NEB: variants seen among roughly 807,000 people sequenced by gnomAD.
NEB encodes nemaline myopathy type 2.
Under a neutral mutation model 952.2 loss-of-function variants are expected in NEB, and 512 were observed. The ratio of observed to expected loss-of-function variants is 0.54; its 90% CI spans 0.50 to 0.58. The LOEUF (loss-of-function observed/expected upper bound fraction) is 0.58, where lower values mean the gene tolerates loss of function less well. NEB is among the 20% of genes least tolerant of loss of function. The pLI is 0.00. For synonymous variants in NEB, 2,900 were observed against 3,149.8 expected (o/e 0.92, Z 2.66); for missense variants, 8,428 against 9,231.1 (o/e 0.91, Z 3.56).
intron 123 of NEB, 131 bp downstream of exon 123, chr2:151,560,873 T>G (rs1282503770): frequency 1.3e-6 from 1 of 764,082 alleles, no homozygotes; most frequent in Non-Finnish European, 2.1e-6. Flanking sequence ...TGAGGTAAAG[T>G]AAGATTGAAG....
At chr2:151,496,393 A>T in intron 172 of NEB, 25 bp from the exon 173 acceptor site, 1 of 1,586,438 alleles carries the variant, frequency 6.3e-7, no homozygotes, top group Non-Finnish European at 8.6e-7. Flanking sequence ...AGCATCCAGA[A>T]AAACAACCAT....
chr2:151,522,300 G>C (rs2082464119), intron 153 of NEB, among the ~76,000 whole-genome samples: 1 of 152,104 alleles, frequency 6.6e-6, no homozygotes, highest in Non-Finnish European at 1.5e-5. Flanking sequence ...TTATACTGTT[G>C]ATTCATAGAA....
At chr2:151,729,865 G>A (rs1458136206) in intron 3 of NEB, among the ~76,000 whole-genome samples, 2 of 152,160 alleles carry the variant, frequency 1.3e-5, no homozygotes, top group African/African-American at 4.8e-5. Context: ...CCATCCAAAT[G>A]GACAAAGAGA....
In NEB at chr2:151,547,636, C is replaced by T. The variant is rs776334631; in HGVS notation, c.20260G>A (p.Glu6754Lys). The change falls in exon 132 of 182, where the codon GAG becomes AAG. Residue 6754 changes from glutamate (E) to lysine (K), a missense_variant and splice_region_variant. This residue lies in a region of NEB where 3,374 missense variants were observed against 3,651.5 expected (regional missense o/e 0.92). Coordinates refer to ENST00000397345, the MANE Select transcript of NEB (RefSeq NM_001164508.2). ...QVKKTQEAVSELIYKSDFFKM... is the reference protein window; with the variant it reads ...QVKKTQEAVSKLIYKSDFFKM... ...GTCTTTCCTAAGAAAATACCCACCT[C>T]ACTGACAGCCTCTTGTGTCTTCTTG... 21 of 1,613,440 alleles carry T rather than the reference C, an allele frequency of 1.3e-5. No homozygotes were observed. The Middle Eastern group carries it at 6.6e-4, about 51-fold the overall frequency.
At position 151,682,413 on chromosome 2, in the gene NEB, C is replaced by T. The variant is rs575502115; in HGVS notation, c.2943+249G>A. Among the ~76,000 whole-genome samples the T allele has an allele frequency of 1.6e-4, 24 of 152,190 alleles. 1 individual carries two copies. In the South Asian group the frequency reaches 2.5e-3, roughly 16 times the overall value. On this transcript the variant is annotated intron_variant, in intron 29 of 181. Coordinates refer to ENST00000397345, the MANE Select transcript of NEB (RefSeq NM_001164508.2). ...ATGGCTAACATAAATGAATGGTTAACGTAAATGGTTAACAAGTTATACCTT... is the reference window on the plus strand; with the variant it reads ...ATGGCTAACATAAATGAATGGTTAATGTAAATGGTTAACAAGTTATACCTT...
chr2:151,680,818 C>T lies in NEB; in HGVS notation c.2954G>A (p.Arg985His), dbSNP rs769987120. ...AAACTTGAGGGTGTCTGGATGTTGG[C>T]GATATTTTTTCTGTTTGGCAAATCA... ...ASDILNEKKY[R>H]QHPDTLKFTS... is the part of the protein sequence containing the mutation. Residue 985 changes from arginine to histidine, a missense_variant, in exon 30 of 182, where the codon CGC (arginine) becomes CAC (histidine). Transcript: ENST00000397345. 9.9e-6 allele frequency: 16 copies of T among 1,611,514 alleles called. No homozygotes were observed. Among genetic ancestry groups the T allele is most frequent in the Admixed American group, 8.3e-5 (5 of 59,976 alleles).
intron 167 of NEB, 109 bp from the exon 168 acceptor site, chr2:151,501,592 T>TGAA (rs1278178787): frequency 3.8e-6 from 2 of 529,662 alleles, no homozygotes; most frequent in African/African-American, 1.9e-5. Flanking sequence ...GTTTTTATGA[T>TGAA]GAAGTACCTC....
intron 54 of NEB, among the ~76,000 whole-genome samples, chr2:151,649,597 A>C (rs977460579): frequency 1.4e-4 from 21 of 152,208 alleles, no homozygotes; most frequent in African/African-American, 5.1e-4. Context: ...CCTTCTTTGC[A>C]TATAATTACT....
Position 151,562,594 on chromosome 2 carries a change from C to A in NEB, c.18891+17G>T, listed in dbSNP as rs376129412. ...TGGAAGCTGTAGCTGAGTCAAGCTG[C>A]AGAAGGGACATCATACATCACTCAA... On this transcript the variant is annotated intron_variant, in intron 120 of 181. Coordinates refer to ENST00000397345, the MANE Select transcript of NEB (RefSeq NM_001164508.2). 2 of 1,545,922 alleles carry A rather than the reference C, an allele frequency of 1.3e-6. No homozygotes were observed. Among genetic ancestry groups the A allele is most frequent in the Non-Finnish European group, 1.8e-6 (2 of 1,139,152 alleles).
intron 60 of NEB, among the ~76,000 whole-genome samples, chr2:151,641,688 T>C (rs887391074): frequency 6.6e-6 from 1 of 152,224 alleles, no homozygotes; most frequent in African/African-American, 2.4e-5. Context: ...TTAACCCTTC[T>C]GTGATTGTCA....
rs780714195 is a variant in NEB, at chr2:151,568,678, C to T, written c.17574G>A (p.Thr5858=). The stretch of plus-strand genomic sequence containing the variant: ...CATAATCAACTCTGTCATCCACAGG[C>T]GTAAAGTTGAGAGTTTCTATTTTTG... ...YRTKIETLNF[T]PVDDRVDYVT... The change falls in exon 111 of 182, where the codon ACG becomes ACA. Residue 5858 remains threonine, a synonymous_variant. Coordinates refer to ENST00000397345, the MANE Select transcript of NEB (RefSeq NM_001164508.2). 35 of 1,607,734 alleles carry T rather than the reference C, an allele frequency of 2.2e-5. No individual in the cohort carries two copies. Among genetic ancestry groups the T allele is most frequent in the Non-Finnish European group, 2.3e-5 (27 of 1,177,150 alleles).
In NEB at chr2:151,545,917, C is replaced by G; in HGVS notation, c.20548G>C (p.Val6850Leu). The change falls in exon 135 of 182, where the codon GTG becomes CTG. Residue 6850 changes from valine (V) to leucine (L), a missense_variant. Around this residue, in one of 11 missense-constraint regions of NEB, gnomAD observed 3,374 missense variants for 3,651.5 expected, o/e 0.92. Transcript: ENST00000397345. ...VVLDTPEYRK[V>L]QELKTHLSEL... ...CTCAGATGTGTCTTCAGTTCTTGCA[C>G]TTTTCTGTATTCTGGAGTGTCAAGC... 1 of 1,608,030 alleles carries G rather than the reference C, an allele frequency of 6.2e-7. No individual in the cohort carries two copies. The highest frequency in any genetic ancestry group is 1.1e-5 in the South Asian group (1 of 90,708).
In NEB at chr2:151,554,011, T is replaced by C. The variant is rs1283156686; in HGVS notation, c.19443A>G (p.Ser6481=). ...TTTTCATCTTGTTCTTTTCATAAAC[T>C]GATCTGTACAGGCGCTGTAAAGTTA... ...GKLNIDRLYR[S]VYEKNKMKIH... The change falls in exon 126 of 182, where the codon TCA becomes TCG. Residue 6481 remains serine (S), a synonymous_variant. Transcript: ENST00000397345. 6.2e-7 allele frequency: 1 copy of C among 1,613,824 alleles called. No individual in the cohort carries two copies. The highest frequency in any genetic ancestry group is 8.5e-7 in the Non-Finnish European group (1 of 1,179,748).
rs372661728 is a variant in NEB at position 151,637,298 on chromosome 2, G to GT, written c.8995-965dup. On this transcript the variant is annotated intron_variant, in intron 63 of 181. Coordinates refer to ENST00000397345, the MANE Select transcript of NEB (RefSeq NM_001164508.2). ...TTGAGCAGAGTTTCAGTAGACTAAGGTGGCATCAAGTGCAGAGGAAATCAC... is the reference window on the plus strand; with the variant it reads ...TTGAGCAGAGTTTCAGTAGACTAAGGTTGGCATCAAGTGCAGAGGAAATCAC... Among the ~76,000 whole-genome samples, 663 of 152,288 alleles carry GT rather than the reference G, an allele frequency of 4.4e-3. 7 individuals carry two copies. The highest frequency in any genetic ancestry group is 0.015 in the African/African-American group (636 of 41,550).
intron 107 of NEB, among the ~76,000 whole-genome samples, chr2:151,572,175 A>T (rs1458913836): frequency 6.6e-6 from 1 of 152,058 alleles, no homozygotes; most frequent in African/African-American, 2.4e-5. Flanking sequence ...TACACAAATT[A>T]GCTGGGTGTG....
chr2:151,560,150 A>G (rs1399223128), intron 124 of NEB, among the ~76,000 whole-genome samples: 1 of 152,178 alleles, frequency 6.6e-6, no homozygotes, highest in African/African-American at 2.4e-5. Context: ...ACAATTTTTA[A>G]ATGTTTTCTA....
intron 70 of NEB, 50 bp from the exon 71 acceptor site, chr2:151,625,688 CAGG>C (rs1302567320): frequency 1.5e-6 from 2 of 1,309,256 alleles, no homozygotes; most frequent in Non-Finnish European, 2.1e-6. Context: ...TTGTTGTAAA[CAGG>C]AGTTTTCAAT....
rs750794609 is a variant in NEB at position 151,535,814 on chromosome 2, G to A, written c.21208-19C>T. 1.2e-5 allele frequency: 16 copies of A among 1,381,856 alleles called. No individual in the cohort carries two copies. In the East Asian group the frequency reaches 1.4e-4, roughly 12 times the overall value. 85.6% of individuals were successfully genotyped at this position (1,381,856 alleles called of 1,614,324 possible). A position where few individuals can be genotyped will look rare whatever the true frequency, so the allele number is the denominator to read the frequency against. On this transcript the variant is annotated intron_variant, in intron 141 of 181. Coordinates refer to ENST00000397345, the MANE Select transcript of NEB (RefSeq NM_001164508.2). ...ACTTATACTAGAAAAAACAGAACATGGTTACTTGACAGCAGGCTATGATTA... is the reference window on the plus strand; with the variant it reads ...ACTTATACTAGAAAAAACAGAACATAGTTACTTGACAGCAGGCTATGATTA...
At chr2:151,678,851 G>A (rs1048600603) in intron 32 of NEB, among the ~76,000 whole-genome samples, 1 of 152,058 alleles carries the variant, frequency 6.6e-6, no homozygotes, top group Non-Finnish European at 1.5e-5. Context: ...GGGTGGGTGA[G>A]AACTTCGGGT....
Sources: allele counts gnomAD v4.1 joint callset (sites outside exome capture counted in the v4.1 genomes callset), GRCh38; gene constraint gnomAD v4.1.1; regional missense constraint gnomAD v4.1.1; transcripts MANE v1.5; gene names NCBI Gene and HGNC (gene_info 2026-07-23, HGNC 2026-07-21).